The following CCDC92B variants were observed in gnomAD, a reference collection of about 807,000 sequenced individuals.
The protein encoded by CCDC92B is coiled-coil domain containing 92B, also known as coiled-coil domain-containing 92B.
A neutral mutation model predicts 5.6 loss-of-function variants in CCDC92B; 2 were observed. The observed-to-expected ratio is 0.36, with a 90% CI of 0.15 to 1.12. CCDC92B has a LOEUF of 1.12. CCDC92B is among the 50% of genes most tolerant of loss of function. CCDC92B has a pLI of 0.40. For missense variants in CCDC92B, 271 were observed against 262.2 expected (o/e 1.03, Z -0.23); for synonymous variants, 115 against 122.3 (o/e 0.94, Z 0.39).
chr17:2,749,082 G>C (rs905298696), intron 1 of CCDC92B, among the ~76,000 whole-genome samples: 16 of 152,346 alleles, frequency 1.1e-4, no homozygotes, highest in Admixed American at 2.0e-4. Context: ...CAGGGGTTGG[G>C]GGGGGGATGT....
At chr17:2,733,956 C>T (rs1160017868) in intron 2 of CCDC92B, among the ~76,000 whole-genome samples, 3 of 151,704 alleles carry the variant, frequency 2.0e-5, no homozygotes, top group East Asian at 2.0e-4. Flanking sequence ...GACGGGGTTT[C>T]GCCACGTTGG....
intron 3 of CCDC92B, among the ~76,000 whole-genome samples, chr17:2,725,828 G>A (rs1430203954): frequency 1.3e-5 from 2 of 151,740 alleles, no homozygotes; most frequent in African/African-American, 4.8e-5. Context: ...AGATCTGAAG[G>A]ATAAACAGGA....
intron 1 of CCDC92B, among the ~76,000 whole-genome samples, chr17:2,749,111 G>C (rs984434119): frequency 1.3e-5 from 2 of 152,198 alleles, no homozygotes; most frequent in Non-Finnish European, 1.5e-5. Context: ...AGGAGGACGG[G>C]GAAGCGAGGT....
chr17:2,729,955 T>C (rs1329197244), intron 3 of CCDC92B, among the ~76,000 whole-genome samples: 1 of 152,174 alleles, frequency 6.6e-6, no homozygotes, highest in East Asian at 1.9e-4. Flanking sequence ...ACATGCATCT[T>C]GACACTCGGC....
chr17:2,746,130 C>T (rs1297410346), intron 1 of CCDC92B, among the ~76,000 whole-genome samples: 1 of 151,982 alleles, frequency 6.6e-6, no homozygotes, highest in Non-Finnish European at 1.5e-5. Flanking sequence ...TATAGGTGCC[C>T]ACCACCACGC....
chr17:2,725,089 C>G lies in CCDC92B; in HGVS notation c.179-89G>C, dbSNP rs1286592080. 3.1e-6 allele frequency: 3 copies of G among 983,036 alleles called. No homozygotes were observed. The African/African-American group carries it at 5.3e-5, about 17-fold the overall frequency. The allele number at this position is 983,036 out of a possible 1,614,324, so 60.9% of individuals were successfully genotyped here. On this transcript the variant is annotated intron_variant, in intron 3 of 3. Transcript: ENST00000614400. ...TCAGAGCTCCGTGTAACAAAACCCC[C>G]AGGCCGGGCGCGGGGCCTCATTTCT...
intron 1 of CCDC92B, chr17:2,748,081 CT>C (rs749588987): frequency 1.9e-6 from 1 of 526,380 alleles, no homozygotes; most frequent in South Asian, 1.4e-5. Context: ...GCGTTTATGG[CT>C]TCTCATAAGA....
chr17:2,725,515 C>G (rs551578793), intron 3 of CCDC92B, among the ~76,000 whole-genome samples: 3 of 151,788 alleles, frequency 2.0e-5, no homozygotes, highest in Non-Finnish European at 4.4e-5. Flanking sequence ...CGTACCTACT[C>G]TACCCTCTGC....
At chr17:2,726,532 G>T (rs1274338554) in intron 3 of CCDC92B, among the ~76,000 whole-genome samples, 2 of 151,412 alleles carry the variant, frequency 1.3e-5, no homozygotes, top group African/African-American at 4.9e-5. Flanking sequence ...GGCCAGAATG[G>T]TCTTGAACTC....
At chr17:2,725,119 TC>T in intron 3 of CCDC92B, 119 bp from the exon 4 acceptor site, 1 of 985,670 alleles carries the variant, frequency 1.0e-6, no homozygotes, top group Non-Finnish European at 1.2e-6. Context: ...ATTTCTGCAA[TC>T]CCAGCACTTT....
chr17:2,724,062 A>G lies in CCDC92B; in HGVS notation c.*349T>C, dbSNP rs2070692272. The stretch of plus-strand genomic sequence containing the variant: ...AGGCGAGCCCAGCCCTCCCCACCCC[A>G]CCAAGGATTGTCGGCTTTCCCGGGG... On this transcript the variant is annotated 3_prime_UTR_variant, in exon 4 of 4. Coordinates refer to ENST00000614400, the MANE Select transcript of CCDC92B (RefSeq NM_001355573.2). This position sits in a 1 kb window ranked among gnomAD's most constrained non-coding sequence, Gnocchi z 5.0. 1 of 886,690 alleles carries G rather than the reference A, an allele frequency of 1.1e-6. No homozygotes were observed. The highest frequency in any genetic ancestry group is 1.3e-6 in the Non-Finnish European group (1 of 741,798). The allele number at this position is 886,690 out of a possible 1,614,324, so 54.9% of individuals were successfully genotyped here.
intron 3 of CCDC92B, among the ~76,000 whole-genome samples, chr17:2,729,020 C>G (rs1411264306): frequency 1.3e-5 from 2 of 151,998 alleles, no homozygotes; most frequent in Non-Finnish European, 2.9e-5. Flanking sequence ...TTTATGATTC[C>G]TTTTAACATT....
intron 2 of CCDC92B, among the ~76,000 whole-genome samples, chr17:2,733,916 G>A (rs564537759): frequency 2.0e-5 from 3 of 151,372 alleles, no homozygotes; most frequent in Admixed American, 6.6e-5. Flanking sequence ...GCACCACCAC[G>A]CCTGGCTAAT....
chr17:2,727,696 C>CAT (rs1567611223), intron 3 of CCDC92B, among the ~76,000 whole-genome samples: 3 of 151,920 alleles, frequency 2.0e-5, no homozygotes, highest in East Asian at 3.9e-4. Flanking sequence ...TGGTGGTGTG[C>CAT]GCCTGTGATC....
At chr17:2,741,418 T>C (rs1258064172) in intron 1 of CCDC92B, among the ~76,000 whole-genome samples, 1 of 151,920 alleles carries the variant, frequency 6.6e-6, no homozygotes, top group African/African-American at 2.4e-5. Flanking sequence ...GTCTCACGCC[T>C]GTAATCCCAG....
chr17:2,724,721 G>A lies in CCDC92B; in HGVS notation c.458C>T (p.Ala153Val). ...GGTGGCGCCGGGGCCCGGGCGCGGG[G>A]CCTGCAGTCTCTGGCGCGCCGCGTG... ...QLHAARQRLQ[A>V]PRPGPGATAE... The change falls in exon 4 of 4, where the codon GCC becomes GTC. Residue 153 changes from alanine to valine, a missense_variant. By Grantham distance (64) the Ala-to-Val change is moderately conservative. Transcript: ENST00000614400. This position sits in a 1 kb window ranked among gnomAD's most constrained non-coding sequence, Gnocchi z 5.0. The A allele has an allele frequency of 1.0e-6, 1 of 984,004 alleles. No homozygotes were observed. The highest frequency in any genetic ancestry group is 1.2e-6 in the Non-Finnish European group (1 of 829,226). The allele number at this position is 984,004 out of a possible 1,614,324, so 61.0% of individuals were successfully genotyped here. A position where few individuals can be genotyped will look rare whatever the true frequency, so the allele number is the denominator to read the frequency against.
At chr17:2,741,222 C>T (rs545208062) in intron 1 of CCDC92B, among the ~76,000 whole-genome samples, 2 of 152,156 alleles carry the variant, frequency 1.3e-5, no homozygotes, top group South Asian at 2.1e-4. Flanking sequence ...ATTTACAGAA[C>T]GCTTACTATG....
intron 3 of CCDC92B, among the ~76,000 whole-genome samples, chr17:2,726,238 C>T (rs750085841): frequency 1.6e-4 from 24 of 150,530 alleles, no homozygotes; most frequent in African/African-American, 4.2e-4. Context: ...AGTGCAGTGG[C>T]GCAATCTTGG....
At chr17:2,741,740 C>T (rs2070929511) in intron 1 of CCDC92B, among the ~76,000 whole-genome samples, 1 of 150,336 alleles carries the variant, frequency 6.7e-6, no homozygotes, top group Non-Finnish European at 1.5e-5. Flanking sequence ...CTACAGGGGC[C>T]CACGACCGCG....
Sources: gnomAD v4.1 joint callset for allele counts (sites outside exome capture counted in the v4.1 genomes callset) on GRCh38, gnomAD v4.1.1 for gene constraint, Gnocchi (gnomAD v3.1) non-coding constraint, MANE v1.5 for transcripts, NCBI Gene and HGNC (gene_info 2026-07-23, HGNC 2026-07-21) for gene names.